Variants in SLC9A9 observed in about 807,000 individuals in gnomAD.
SLC9A9 encodes the protein solute carrier family 9 member A9, also known as sodium/hydrogen exchanger 9.
In SLC9A9, 62 loss-of-function variants were observed where a neutral mutation model predicts 77.8. That is an observed-to-expected ratio of 0.80 (90% CI 0.65 to 0.98). The LOEUF (loss-of-function observed/expected upper bound fraction) is 0.98, where lower values mean the gene tolerates loss of function less well. Ranked by LOEUF, SLC9A9 falls within the 50% of genes least tolerant of loss-of-function variation. The probability of loss-of-function intolerance (pLI) is 0.00; values close to 1 mark genes in which losing one functional copy is unlikely to be tolerated. For missense variants in SLC9A9, 775 were observed against 774.9 expected (o/e 1.00, Z 0.00); for synonymous variants, 320 against 283.5 (o/e 1.13, Z -1.29).
chr3:143,316,913 A>G (rs2031233797), intron 14 of SLC9A9, among the ~76,000 whole-genome samples: 1 of 152,140 alleles, frequency 6.6e-6, no homozygotes, highest in South Asian at 2.1e-4. Flanking sequence ...AGAGAGGTCA[A>G]GTAGCTTGCA....
chr3:143,353,480 C>T lies in SLC9A9; in HGVS notation c.1604+10004G>A, dbSNP rs552616388. 2.8e-4 allele frequency among the ~76,000 whole-genome samples: 43 copies of T among 152,324 alleles called. No individual in the cohort carries two copies. The East Asian group carries it at 6.9e-3, about 25-fold the overall frequency. The stretch of plus-strand genomic sequence containing the variant: ...GAAAGTGAATTCTGTGATCAGGAAA[C>T]GGGTCCTCACCAGACATGGACATTG... On this transcript the variant is annotated intron_variant, in intron 14 of 15. Coordinates refer to ENST00000316549, the MANE Select transcript of SLC9A9 (RefSeq NM_173653.4).
intron 14 of SLC9A9, chr3:143,347,164 A>C (rs1162670714): frequency 6.6e-6 from 1 of 152,136 alleles, no homozygotes; most frequent in African/African-American, 2.4e-5. Flanking sequence ...ACGAGATGAC[A>C]GGTCAAATTT....
chr3:143,268,682 G>A (rs1179090733), intron 15 of SLC9A9, among the ~76,000 whole-genome samples, 193 bp downstream of exon 15: 1 of 133,590 alleles, frequency 7.5e-6, no homozygotes, highest in African/African-American at 2.8e-5. Context: ...GCAGTGAGCT[G>A]AGATCACGCC....
At chr3:143,399,562 G>A (rs1397969056) in intron 12 of SLC9A9, among the ~76,000 whole-genome samples, 1 of 152,162 alleles carries the variant, frequency 6.6e-6, no homozygotes, top group Non-Finnish European at 1.5e-5. Flanking sequence ...AAGAGGAAAA[G>A]AGTAGCAAGA....
intron 12 of SLC9A9, among the ~76,000 whole-genome samples, chr3:143,420,703 A>C (rs77575704): frequency 0.054 from 8,196 of 152,262 alleles, 261 homozygotes; most frequent in South Asian, 0.099. Flanking sequence ...GTGGTTTTAC[A>C]TACATTTAAA....
intron 9 of SLC9A9, among the ~76,000 whole-genome samples, chr3:143,504,492 G>C (rs1251472023): frequency 7.1e-6 from 1 of 141,122 alleles, no homozygotes; most frequent in Non-Finnish European, 1.7e-5. Context: ...GATTCTGAAG[G>C]CTTTTTTGCC....
intron 8 of SLC9A9, among the ~76,000 whole-genome samples, chr3:143,559,528 T>C (rs763134271): frequency 1.3e-5 from 2 of 152,150 alleles, no homozygotes; most frequent in Non-Finnish European, 2.9e-5. Flanking sequence ...ACTTCATTAA[T>C]CCACTGGGAT....
At chr3:143,638,021 G>C (rs1462518306) in intron 6 of SLC9A9, among the ~76,000 whole-genome samples, 2 of 152,134 alleles carry the variant, frequency 1.3e-5, no homozygotes, top group Admixed American at 1.3e-4. Flanking sequence ...GGCTAAAAGT[G>C]AACAGCTATA....
At chr3:143,600,495 A>G (rs1193259317) in intron 6 of SLC9A9, among the ~76,000 whole-genome samples, 1 of 152,256 alleles carries the variant, frequency 6.6e-6, no homozygotes, top group Non-Finnish European at 1.5e-5. Flanking sequence ...AGTAGAACTC[A>G]TTAATTTATC....
At chr3:143,484,166 C>T (rs1321665132) in intron 11 of SLC9A9, among the ~76,000 whole-genome samples, 1 of 152,114 alleles carries the variant, frequency 6.6e-6, no homozygotes, top group Admixed American at 6.5e-5. Context: ...CTACTAAAGT[C>T]ATTCTCTTAT....
At chr3:143,579,675 G>A (rs2037421706) in intron 6 of SLC9A9, among the ~76,000 whole-genome samples, 1 of 152,090 alleles carries the variant, frequency 6.6e-6, no homozygotes, top group South Asian at 2.1e-4. Context: ...CAAGAGTTTA[G>A]CAGTGGGTTT....
At chr3:143,671,855 C>G (rs1313093191) in intron 5 of SLC9A9, among the ~76,000 whole-genome samples, 2 of 152,160 alleles carry the variant, frequency 1.3e-5, no homozygotes, top group African/African-American at 4.8e-5. Context: ...TCCTCTGACT[C>G]CCTCTGAGGT....
intron 12 of SLC9A9, among the ~76,000 whole-genome samples, chr3:143,394,797 A>G (rs572531154): frequency 6.5e-4 from 99 of 152,338 alleles, no homozygotes; most frequent in African/African-American, 2.2e-3. Flanking sequence ...AAGCATTCCT[A>G]TACACCAATA....
chr3:143,765,478 C>A (rs975468601), intron 4 of SLC9A9, among the ~76,000 whole-genome samples: 7 of 152,114 alleles, frequency 4.6e-5, no homozygotes, highest in African/African-American at 1.7e-4. Flanking sequence ...GCTGTTTATT[C>A]ATTCACTATA....
intron 4 of SLC9A9, among the ~76,000 whole-genome samples, chr3:143,745,504 T>C (rs371258779): frequency 5.6e-4 from 86 of 152,346 alleles, no homozygotes; most frequent in African/African-American, 1.9e-3. Flanking sequence ...AACACTAAAA[T>C]CATCCTTCAT....
intron 11 of SLC9A9, among the ~76,000 whole-genome samples, chr3:143,474,959 GTTT>G (rs58029971): frequency 4.7e-5 from 6 of 127,204 alleles, no homozygotes; most frequent in Admixed American, 7.8e-5. Context: ...CTTCACCCAG[GTTT>G]TTTTTTTTTT....
chr3:143,693,978 C>T (rs998073756), intron 4 of SLC9A9, among the ~76,000 whole-genome samples: 1 of 152,122 alleles, frequency 6.6e-6, no homozygotes, highest in African/African-American at 2.4e-5. Flanking sequence ...CTGTTTTGGT[C>T]ATCATTTGCC....
chr3:143,369,937 A>G (rs1014022639), intron 13 of SLC9A9, among the ~76,000 whole-genome samples: 4 of 152,234 alleles, frequency 2.6e-5, no homozygotes, highest in Non-Finnish European at 2.9e-5. Context: ...GCCAATGGCA[A>G]GTAAGGAACA....
At chr3:143,298,115 T>C (rs184069440) in intron 14 of SLC9A9, among the ~76,000 whole-genome samples, 1 of 152,364 alleles carries the variant, frequency 6.6e-6, no homozygotes, top group East Asian at 1.9e-4. Flanking sequence ...GATTTTTACT[T>C]TCCCTGTTGA....
Sources: gnomAD v4.1 joint callset for allele counts (sites outside exome capture counted in the v4.1 genomes callset) on GRCh38, gnomAD v4.1.1 for gene constraint, MANE v1.5 for transcripts, NCBI Gene and HGNC (gene_info 2026-07-23, HGNC 2026-07-21) for gene names.